GSTO1: variants seen among roughly 807,000 people sequenced by gnomAD.
The protein encoded by GSTO1 is glutathione S-transferase omega-1.
GSTO1 carries 27 observed loss-of-function variants against 23.8 expected under a neutral mutation model. The ratio of observed to expected loss-of-function variants is 1.13; its 90% CI spans 0.83 to 1.56. GSTO1 has a LOEUF of 1.56. Ranked by LOEUF, GSTO1 falls within the 40% of genes most tolerant of loss-of-function variation. The pLI is 0.00. For synonymous variants in GSTO1, 105 were observed against 109.3 expected (o/e 0.96, Z 0.25); for missense variants, 255 against 285.8 (o/e 0.89, Z 0.78).
In GSTO1 at chr10:104,255,202, G is replaced by A. The variant is rs1470661480; in HGVS notation, c.74G>A (p.Arg25His). The A allele has an allele frequency of 3.1e-6, 5 of 1,613,900 alleles. No homozygotes were observed. Among genetic ancestry groups the A allele is most frequent in the Admixed American group, 1.7e-5 (1 of 60,020 alleles). The change falls in exon 2 of 6, where the codon CGC becomes CAC. Residue 25 changes from arginine to histidine, a missense_variant. Transcript: ENST00000369713. Reference sequence around the variant, plus strand: ...GGGCCGGTCCCGGAGGGCTCGATCCGCATCTACAGCATGAGGTTCTGCCCG... The same window carrying A: ...GGGCCGGTCCCGGAGGGCTCGATCCACATCTACAGCATGAGGTTCTGCCCG... ...PPGPVPEGSIRIYSMRFCPFA... is the reference protein window; with the variant it reads ...PPGPVPEGSIHIYSMRFCPFA...
chr10:104,260,965 G>C (rs1287018303), intron 3 of GSTO1, among the ~76,000 whole-genome samples: 1 of 152,144 alleles, frequency 6.6e-6, no homozygotes, highest in African/African-American at 2.4e-5. Context: ...ACAAGTTAAA[G>C]GCATGCAGCT....
intron 2 of GSTO1, 147 bp downstream of exon 2, chr10:104,255,418 A>T (rs956031419): frequency 2.1e-5 from 13 of 611,018 alleles, no homozygotes; most frequent in Middle Eastern, 6.8e-4. Flanking sequence ...TTTGGAAAAT[A>T]GCAAGTTATA....
chr10:104,256,188 C>T (rs2091602243), intron 2 of GSTO1, among the ~76,000 whole-genome samples: 1 of 152,128 alleles, frequency 6.6e-6, no homozygotes, highest in Admixed American at 6.5e-5. Context: ...CATTACTTCA[C>T]TAAGAAATGC....
chr10:104,258,115 T>C (rs890597093), intron 2 of GSTO1, among the ~76,000 whole-genome samples: 90 of 152,246 alleles, frequency 5.9e-4, no homozygotes, highest in African/African-American at 2.1e-3. Context: ...ATGATAATCA[T>C]GTAATAGAAG....
At chr10:104,257,476 G>C (rs772587684) in intron 2 of GSTO1, among the ~76,000 whole-genome samples, 1 of 151,928 alleles carries the variant, frequency 6.6e-6, no homozygotes, top group Non-Finnish European at 1.5e-5. Flanking sequence ...GAGTAGCCGA[G>C]ACTACAGGTG....
intron 2 of GSTO1, among the ~76,000 whole-genome samples, chr10:104,259,203 T>C (rs966461581): frequency 2.0e-5 from 3 of 152,218 alleles, no homozygotes; most frequent in Non-Finnish European, 2.9e-5. Flanking sequence ...CACTCTCACG[T>C]AGACTGCAGC....
chr10:104,263,035 C>A lies in GSTO1; in HGVS notation c.423C>A (p.Gly141=). Reference sequence around the variant, plus strand: ...GCCAAAATAAAGAAGACTATGCTGGCCTAAAAGAAGAATTTCGTAAAGAAT... The same window carrying A: ...GCCAAAATAAAGAAGACTATGCTGGACTAAAAGAAGAATTTCGTAAAGAAT... ...IRSQNKEDYA[G]LKEEFRKEFT... Residue 141 remains glycine, a synonymous_variant, in exon 4 of 6, where the codon GGC becomes GGA. Coordinates refer to ENST00000369713, the MANE Select transcript of GSTO1 (RefSeq NM_004832.3). 2.0e-6 allele frequency: 3 copies of A among 1,537,292 alleles called. No homozygotes were observed. The highest frequency in any genetic ancestry group is 2.2e-5 in the East Asian group (1 of 44,634).
intron 2 of GSTO1, among the ~76,000 whole-genome samples, chr10:104,256,307 TAAGAG>T (rs2091602703): frequency 1.3e-5 from 2 of 152,208 alleles, no homozygotes; most frequent in South Asian, 2.1e-4. Flanking sequence ...TTTATTGTAC[TAAGAG>T]AAATCTAATG....
intron 2 of GSTO1, among the ~76,000 whole-genome samples, chr10:104,256,283 T>G (rs953794964): frequency 2.0e-5 from 3 of 152,236 alleles, no homozygotes; most frequent in Non-Finnish European, 4.4e-5. Context: ...TCATATTTGC[T>G]GTGATAGAAC....
chr10:104,255,108 A>G, intron 1 of GSTO1, 55 bp from the exon 2 acceptor site: 1 of 1,471,442 alleles, frequency 6.8e-7, no homozygotes, highest in Non-Finnish European at 9.5e-7. Flanking sequence ...GCGGTGGGAT[A>G]CGGGGGGTCT....
intron 3 of GSTO1, among the ~76,000 whole-genome samples, chr10:104,261,656 AAC>A (rs2011140685): frequency 6.6e-6 from 1 of 152,224 alleles, no homozygotes; most frequent in South Asian, 2.1e-4. Context: ...TGTGAGGAAA[AAC>A]AGACGAAAGA....
chr10:104,265,170 C>T (rs1473623618), intron 4 of GSTO1, among the ~76,000 whole-genome samples: 1 of 152,192 alleles, frequency 6.6e-6, no homozygotes, highest in Non-Finnish European at 1.5e-5. Context: ...CATAAAAACA[C>T]AACACGTTTT....
At chr10:104,257,295 A>G (rs532834643) in intron 2 of GSTO1, among the ~76,000 whole-genome samples, 1 of 152,172 alleles carries the variant, frequency 6.6e-6, no homozygotes, top group East Asian at 1.9e-4. Flanking sequence ...CATTTTTTAA[A>G]AAATCAGTAC....
Position 104,263,085 on chromosome 10 carries a change from T to G in GSTO1, c.465+8T>G, listed in dbSNP as rs1316735077. 1 of 1,114,384 alleles carries G rather than the reference T, an allele frequency of 9.0e-7. No homozygotes were observed. The highest frequency in any genetic ancestry group is 1.8e-5 in the Admixed American group (1 of 54,728). 69.0% of individuals were successfully genotyped at this position (1,114,384 alleles called of 1,614,324 possible). On this transcript the variant is annotated splice_region_variant and intron_variant, in intron 4 of 5. Transcript: ENST00000369713. ...TTTACCAAGCTAGAGGAGGTAATTATTTCTCCTAGCTATCATCAGAGTAAA... is the reference window on the plus strand; with the variant it reads ...TTTACCAAGCTAGAGGAGGTAATTAGTTCTCCTAGCTATCATCAGAGTAAA...
In GSTO1 at chr10:104,254,911, G is replaced by C; in HGVS notation, c.-18G>C. On this transcript the variant is annotated 5_prime_UTR_variant, in exon 1 of 6. Coordinates refer to ENST00000369713, the MANE Select transcript of GSTO1 (RefSeq NM_004832.3). ...TCCCCTGCAAACCCCAGAGGAGCTC[G>C]GCCTGCGCTGCGCCACGATGTCCGG... 6.2e-7 allele frequency: 1 copy of C among 1,611,060 alleles called. No individual in the cohort carries two copies. The highest frequency in any genetic ancestry group is 8.5e-7 in the Non-Finnish European group (1 of 1,178,940).
chr10:104,265,277 G>A (rs1413312584), intron 4 of GSTO1, among the ~76,000 whole-genome samples: 1 of 152,136 alleles, frequency 6.6e-6, no homozygotes, highest in African/African-American at 2.4e-5. Flanking sequence ...CTCATATAAT[G>A]TTCATCTTTT....
rs1003018292 is a variant in GSTO1 at position 104,254,933 on chromosome 10, C to G, written c.5C>G (p.Ser2Cys). ...CTCGGCCTGCGCTGCGCCACGATGTCCGGGGAGTCAGCCAGGAGCTTGGGG... is the reference window on the plus strand; with the variant it reads ...CTCGGCCTGCGCTGCGCCACGATGTGCGGGGAGTCAGCCAGGAGCTTGGGG... Reference protein sequence around the residue: MSGESARSLGKG... With the variant: MCGESARSLGKG... Residue 2 changes from serine (S) to cysteine (C), a missense_variant, in exon 1 of 6, where the codon TCC (serine) becomes TGC (cysteine). Physicochemically the swap from Ser to Cys is moderately radical, Grantham distance 112. Coordinates refer to ENST00000369713, the MANE Select transcript of GSTO1 (RefSeq NM_004832.3). The G allele has an allele frequency of 6.2e-7, 1 of 1,611,412 alleles. No homozygotes were observed. The highest frequency in any genetic ancestry group is 8.5e-7 in the Non-Finnish European group (1 of 1,179,294).
chr10:104,266,152 GC>G lies in GSTO1; in HGVS notation c.537del (p.Trp180GlyfsTer8). ...SISMIDYLIW[P>X]WFERLEAMKL... The stretch of plus-strand genomic sequence containing the variant: ...TCTCTATGATTGATTACCTCATCTG[GC>G]CCTGGTTTGAACGGCTGGAAGCAAT... On this transcript the variant is annotated frameshift_variant, in exon 5 of 6. Transcript: ENST00000369713. LOFTEE classifies it low-confidence loss of function (END_TRUNC). 3 of 1,610,912 alleles carry G rather than the reference GC, an allele frequency of 1.9e-6. No individual in the cohort carries two copies. Among genetic ancestry groups the G allele is most frequent in the Non-Finnish European group, 1.7e-6 (2 of 1,177,168 alleles).
chr10:104,255,292 C>T, intron 2 of GSTO1, 21 bp downstream of exon 2: 1 of 1,534,670 alleles, frequency 6.5e-7, no homozygotes, highest in Non-Finnish European at 9.0e-7. Context: ...AGGCGGGGGA[C>T]GCTCCCCGAG....
Sources: gnomAD v4.1 joint callset for allele counts (sites outside exome capture counted in the v4.1 genomes callset) on GRCh38, gnomAD v4.1.1 for gene constraint, MANE v1.5 for transcripts, NCBI Gene and HGNC (gene_info 2026-07-23, HGNC 2026-07-21) for gene names.